Variants in CFAP300 observed in about 807,000 individuals in gnomAD.
CFAP300 encodes cilia- and flagella-associated protein 300.
CFAP300 carries 32 observed loss-of-function variants against 33.0 expected under a neutral mutation model. That is an observed-to-expected ratio of 0.97 (90% CI 0.73 to 1.30). The LOEUF is 1.30. Among genes scored for constraint, CFAP300 ranks in the 50% most tolerant of loss-of-function variants. CFAP300 has a pLI of 0.00. For missense variants in CFAP300, 356 were observed against 318.1 expected (o/e 1.12, Z -0.90); for synonymous variants, 102 against 106.8 (o/e 0.95, Z 0.28).
At chr11:102,056,815 G>A (rs1404017015) in intron 2 of CFAP300, among the ~76,000 whole-genome samples, 4 of 151,730 alleles carry the variant, frequency 2.6e-5, no homozygotes, top group East Asian at 2.0e-4. Context: ...CAGTACAGAC[G>A]GGGTTCGCCA....
intron 5 of CFAP300, among the ~76,000 whole-genome samples, chr11:102,078,789 A>G (rs1591066663): frequency 6.6e-6 from 1 of 152,170 alleles, no homozygotes; most frequent in South Asian, 2.1e-4. Flanking sequence ...GCTCACTGCA[A>G]CCTCCGCCTA....
chr11:102,071,666 T>C (rs536173649), intron 4 of CFAP300, among the ~76,000 whole-genome samples: 34 of 152,168 alleles, frequency 2.2e-4, no homozygotes, highest in Non-Finnish European at 4.4e-4. Flanking sequence ...ATTCCTTCCA[T>C]TTTGGCTTGT....
chr11:102,062,919 T>C (rs1285051856), intron 3 of CFAP300, among the ~76,000 whole-genome samples: 1 of 152,234 alleles, frequency 6.6e-6, no homozygotes, highest in African/African-American at 2.4e-5. Flanking sequence ...AGGAAGGCTG[T>C]TGGCCTTCTT....
At chr11:102,069,759 C>T (rs1278484881) in intron 4 of CFAP300, among the ~76,000 whole-genome samples, 2 of 152,000 alleles carry the variant, frequency 1.3e-5, no homozygotes, top group Middle Eastern at 3.4e-3. Context: ...GCTGAGATTG[C>T]GCCACTGCAC....
At chr11:102,070,327 A>G (rs1200685787) in intron 4 of CFAP300, among the ~76,000 whole-genome samples, 10 of 152,242 alleles carry the variant, frequency 6.6e-5, no homozygotes, top group Admixed American at 2.6e-4. Flanking sequence ...TTTTTTAAAT[A>G]CTTCTTATAT....
At chr11:102,067,251 G>T (rs1942242996) in intron 4 of CFAP300, among the ~76,000 whole-genome samples, 1 of 152,164 alleles carries the variant, frequency 6.6e-6, no homozygotes, top group South Asian at 2.1e-4. Flanking sequence ...AGTCCCAGCT[G>T]CTCGGAAGGC....
intron 3 of CFAP300, 24 bp downstream of exon 3, chr11:102,058,979 A>T: frequency 7.2e-7 from 1 of 1,391,312 alleles, no homozygotes; most frequent in African/African-American, 1.5e-5. Flanking sequence ...TCATCTTTTC[A>T]GATACTATTT....
At chr11:102,064,983 A>T (rs1049432265) in intron 3 of CFAP300, among the ~76,000 whole-genome samples, 1 of 152,160 alleles carries the variant, frequency 6.6e-6, no homozygotes. Flanking sequence ...AAATGCCGTT[A>T]TTTCAGTTTT....
chr11:102,066,956 A>G (rs1046475586), intron 4 of CFAP300, among the ~76,000 whole-genome samples: 7 of 152,238 alleles, frequency 4.6e-5, no homozygotes, highest in African/African-American at 1.7e-4. Flanking sequence ...GGCTCAAATT[A>G]TCTATAGTGC....
At chr11:102,064,438 T>C (rs1278575021) in intron 3 of CFAP300, among the ~76,000 whole-genome samples, 1 of 152,170 alleles carries the variant, frequency 6.6e-6, no homozygotes, top group Non-Finnish European at 1.5e-5. Context: ...ATCTTACCTC[T>C]AAACAAAGGA....
chr11:102,067,337 G>A (rs915841278), intron 4 of CFAP300, among the ~76,000 whole-genome samples: 2 of 152,102 alleles, frequency 1.3e-5, no homozygotes, highest in Admixed American at 6.5e-5. Context: ...CAACCTGGGC[G>A]ACAGAGCAAG....
chr11:102,048,183 G>A (rs1941915410), intron 2 of CFAP300, among the ~76,000 whole-genome samples: 1 of 152,060 alleles, frequency 6.6e-6, no homozygotes, highest in African/African-American at 2.4e-5. Context: ...TAGAAGATTA[G>A]TTTCTCCCTT....
chr11:102,059,970 G>GT (rs1204148088), intron 3 of CFAP300, among the ~76,000 whole-genome samples: 4 of 151,828 alleles, frequency 2.6e-5, no homozygotes, highest in African/African-American at 9.7e-5. Context: ...CTAATTTTTG[G>GT]TTTTTTGCTT....
intron 3 of CFAP300, among the ~76,000 whole-genome samples, chr11:102,063,560 G>A (rs1013511943): frequency 6.6e-6 from 1 of 152,156 alleles, no homozygotes; most frequent in African/African-American, 2.4e-5. Flanking sequence ...GGACAAGGTG[G>A]CTCACCCCTG....
At chr11:102,073,111 C>T (rs1034431830) in intron 4 of CFAP300, among the ~76,000 whole-genome samples, 3 of 152,108 alleles carry the variant, frequency 2.0e-5, no homozygotes, top group Admixed American at 6.6e-5. Context: ...TGGGCCTCCA[C>T]GCAGCTTGCT....
chr11:102,070,850 G>T (rs1942303535), intron 4 of CFAP300, among the ~76,000 whole-genome samples: 1 of 152,062 alleles, frequency 6.6e-6, no homozygotes, highest in Non-Finnish European at 1.5e-5. Flanking sequence ...TATTTGTATA[G>T]TTTCCAAAAT....
At chr11:102,075,551 A>G (rs1942383468) in intron 4 of CFAP300, among the ~76,000 whole-genome samples, 1 of 152,226 alleles carries the variant, frequency 6.6e-6, no homozygotes, top group Non-Finnish European at 1.5e-5. Context: ...TTATGCTCCT[A>G]TTTATTTCCA....
At position 102,047,863 on chromosome 11, in the gene CFAP300, C is replaced by T; in HGVS notation, c.159C>T (p.Thr53=). Residue 53 remains threonine (T), a synonymous_variant, in exon 2 of 7, where the codon ACC becomes ACT. Coordinates refer to ENST00000434758, the MANE Select transcript of CFAP300 (RefSeq NM_032930.3). ...CGCAGGCGTTCGGCTTTGACCAGAC[C>T]TTTCAGTCCTATCGGAAGGATGATT... ...IKAQAFGFDQ[T]FQSYRKDDFV... 6.2e-7 allele frequency: 1 copy of T among 1,614,194 alleles called. No individual in the cohort carries two copies. Among genetic ancestry groups the T allele is most frequent in the Non-Finnish European group, 8.5e-7 (1 of 1,180,036 alleles).
intron 3 of CFAP300, among the ~76,000 whole-genome samples, chr11:102,059,946 C>T (rs375988999): frequency 6.6e-5 from 10 of 151,650 alleles, no homozygotes; most frequent in East Asian, 1.9e-4. Flanking sequence ...CCCCCACACC[C>T]GGCTAATTCC....
Sources: gnomAD v4.1 joint callset for allele counts (sites outside exome capture counted in the v4.1 genomes callset) on GRCh38, gnomAD v4.1.1 for gene constraint, MANE v1.5 for transcripts, NCBI Gene and HGNC (gene_info 2026-07-23, HGNC 2026-07-21) for gene names.